Variants in PTPRK observed in about 807,000 individuals in gnomAD.
The protein encoded by PTPRK is receptor-type tyrosine-protein phosphatase kappa.
PTPRK carries 75 observed loss-of-function variants against 178.0 expected under a neutral mutation model. The observed-to-expected ratio is 0.42, with a 90% CI of 0.35 to 0.51. The LOEUF is 0.51. Ranked by LOEUF, PTPRK falls within the 20% of genes least tolerant of loss-of-function variation. PTPRK has a pLI of 0.02. For synonymous variants in PTPRK, 637 were observed against 620.6 expected, an observed-to-expected ratio of 1.03 and a Z score of -0.39; for missense variants, 1,441 against 1,797.8, an observed-to-expected ratio of 0.80 and a Z score of 3.59.
intron 1 of PTPRK, among the ~76,000 whole-genome samples, chr6:128,514,098 G>C (rs1184502263): frequency 6.6e-6 from 1 of 152,178 alleles, no homozygotes; most frequent in African/African-American, 2.4e-5. Context: ...TTAAGGAACA[G>C]GCTGCACTGG....
chr6:128,468,490 C>T (rs2128416870), intron 1 of PTPRK, among the ~76,000 whole-genome samples: 1 of 152,234 alleles, frequency 6.6e-6, no homozygotes, highest in South Asian at 2.1e-4. Context: ...TGTTTATTTT[C>T]AAGGAATTTG....
In PTPRK at chr6:128,151,393, AATCTTT is replaced by A. The variant is rs559712321; in HGVS notation, c.1162+33033_1162+33038del. 8.5e-5 allele frequency among the ~76,000 whole-genome samples: 13 copies of A among 152,210 alleles called. No homozygotes were observed. The East Asian group carries it at 2.3e-3, about 27-fold the overall frequency. ...TAAGGCATTCTTAAAGACAGTCCTT[AATCTTT>A]ATCTATATAGCTTTAAACATCTCTT... On this transcript the variant is annotated intron_variant, in intron 7 of 29. Coordinates refer to ENST00000368226, the MANE Select transcript of PTPRK (RefSeq NM_002844.4).
chr6:128,197,658 G>A (rs1805135409), intron 6 of PTPRK, among the ~76,000 whole-genome samples: 1 of 151,992 alleles, frequency 6.6e-6, no homozygotes, highest in South Asian at 2.1e-4. Flanking sequence ...CTAAACCAAG[G>A]TGTCCCCTAG....
rs538472365 is a variant in PTPRK at position 128,339,691 on chromosome 6, C to T, written c.224-17381G>A. 4.6e-5 allele frequency among the ~76,000 whole-genome samples: 7 copies of T among 152,124 alleles called. No homozygotes were observed. The South Asian group carries it at 6.2e-4, about 14-fold the overall frequency. ...ACAGAAAAAAAAATATCCTTCTGTACCTAAGAAAATGAACATAAGTAAATA... is the reference window on the plus strand; with the variant it reads ...ACAGAAAAAAAAATATCCTTCTGTATCTAAGAAAATGAACATAAGTAAATA... On this transcript the variant is annotated intron_variant, in intron 2 of 29. Coordinates refer to ENST00000368226, the MANE Select transcript of PTPRK (RefSeq NM_002844.4).
intron 3 of PTPRK, among the ~76,000 whole-genome samples, chr6:128,275,812 A>C (rs2128299653): frequency 6.6e-6 from 1 of 152,168 alleles, no homozygotes; most frequent in East Asian, 1.9e-4. Context: ...ATATTTCATA[A>C]AACTAAAAGG....
At chr6:128,511,052 A>G (rs1857105217) in intron 1 of PTPRK, among the ~76,000 whole-genome samples, 1 of 152,198 alleles carries the variant, frequency 6.6e-6, no homozygotes, top group African/African-American at 2.4e-5. Context: ...TGTTAGACTA[A>G]TTCAATACTG....
chr6:128,193,461 T>C (rs892270119), intron 6 of PTPRK, among the ~76,000 whole-genome samples: 1 of 150,586 alleles, frequency 6.6e-6, no homozygotes, highest in African/African-American at 2.5e-5. Context: ...TGTATATAAT[T>C]GTACTAATAC....
intron 2 of PTPRK, among the ~76,000 whole-genome samples, chr6:128,375,058 CATTATTATTATT>C (rs58185524): frequency 1.0e-3 from 134 of 132,276 alleles, no homozygotes; most frequent in East Asian, 1.0e-2. Context: ...AGAAACACTG[CATTATTATTATT>C]ATTATTATTA....
At chr6:128,125,597 CTTTTCTTTT>C (rs1793213337) in intron 7 of PTPRK, among the ~76,000 whole-genome samples, 2 of 82,146 alleles carry the variant, frequency 2.4e-5, no homozygotes, top group Admixed American at 1.2e-4. Flanking sequence ...TGCCTTTGGG[CTTTTCTTTT>C]TTTTTTTTTT....
intron 6 of PTPRK, among the ~76,000 whole-genome samples, chr6:128,211,784 C>T (rs1312056946): frequency 1.3e-5 from 2 of 152,140 alleles, no homozygotes; most frequent in Middle Eastern, 3.4e-3. Flanking sequence ...GAGAACCCTG[C>T]TATTAATGAC....
chr6:128,177,249 G>A (rs532214868), intron 7 of PTPRK, among the ~76,000 whole-genome samples: 1 of 151,540 alleles, frequency 6.6e-6, no homozygotes, highest in African/African-American at 2.4e-5. Flanking sequence ...TATACTCCTG[G>A]TGTTATCATC....
chr6:128,293,929 G>A (rs899134887), intron 3 of PTPRK, among the ~76,000 whole-genome samples: 1 of 152,082 alleles, frequency 6.6e-6, no homozygotes, highest in African/African-American at 2.4e-5. Flanking sequence ...ATGGACTCAA[G>A]CAGACAGTAA....
intron 19 of PTPRK, 145 bp downstream of exon 19, chr6:127,992,528 C>A (rs1318466126): frequency 5.0e-6 from 3 of 595,580 alleles, no homozygotes; most frequent in Non-Finnish European, 8.8e-6. Context: ...TAAATTTGTA[C>A]TATACAAATG....
At chr6:128,182,349 G>A (rs1802045940) in intron 7 of PTPRK, among the ~76,000 whole-genome samples, 1 of 152,136 alleles carries the variant, frequency 6.6e-6, no homozygotes, top group Non-Finnish European at 1.5e-5. Flanking sequence ...GCCGAGGCGG[G>A]CAGATCACTT....
At chr6:128,286,798 T>C (rs1822578277) in intron 3 of PTPRK, among the ~76,000 whole-genome samples, 1 of 152,206 alleles carries the variant, frequency 6.6e-6, no homozygotes, top group Non-Finnish European at 1.5e-5. Context: ...AAAGATTAAT[T>C]TAAAGCTTTG....
chr6:128,172,939 T>TG (rs1436016927), intron 7 of PTPRK, among the ~76,000 whole-genome samples: 31 of 152,002 alleles, frequency 2.0e-4, no homozygotes, highest in African/African-American at 6.7e-4. Flanking sequence ...TGTCATCCTG[T>TG]GGAGGCATCT....
At chr6:128,500,215 G>A (rs1192263807) in intron 1 of PTPRK, among the ~76,000 whole-genome samples, 1 of 152,152 alleles carries the variant, frequency 6.6e-6, no homozygotes, top group Non-Finnish European at 1.5e-5. Flanking sequence ...GCTAAATATA[G>A]TGAGACATGA....
At chr6:128,073,112 T>G (rs1453073156) in intron 11 of PTPRK, among the ~76,000 whole-genome samples, 1 of 152,132 alleles carries the variant, frequency 6.6e-6, no homozygotes. Context: ...TAGGTATATG[T>G]CTTTCCTTTA....
rs546004502 is a variant in PTPRK at position 128,363,914 on chromosome 6, T to C, written c.223+33652A>G. Among the ~76,000 whole-genome samples the C allele has an allele frequency of 5.3e-5, 8 of 152,292 alleles. No homozygotes were observed. The East Asian group carries it at 1.5e-3, about 29-fold the overall frequency. On this transcript the variant is annotated intron_variant, in intron 2 of 29. Transcript: ENST00000368226. ...ACAGAAGACGCCCTTCCAAATGGCA[T>C]TTCTATACGTACATTCACAGTTAGT... is the stretch of plus-strand genomic sequence containing the variant.
Sources: allele counts gnomAD v4.1 joint callset (sites outside exome capture counted in the v4.1 genomes callset), GRCh38; gene constraint gnomAD v4.1.1; transcripts MANE v1.5; gene names NCBI Gene and HGNC (gene_info 2026-07-23, HGNC 2026-07-21).